CHRM5: variants seen among roughly 807,000 people sequenced by gnomAD.
CHRM5 encodes cholinergic receptor muscarinic 5, also known as muscarinic acetylcholine receptor M5.
CHRM5 carries 18 observed loss-of-function variants against 39.0 expected under a neutral mutation model. That is an observed-to-expected ratio of 0.46 (90% confidence interval 0.32 to 0.68). The LOEUF is 0.68. Ranked by LOEUF, CHRM5 falls within the 30% of genes least tolerant of loss-of-function variation. CHRM5 has a pLI of 0.04. For missense variants in CHRM5, 515 were observed against 651.1 expected (o/e 0.79, Z 2.28); for synonymous variants, 241 against 246.3 (o/e 0.98, Z 0.20).
intron 2 of CHRM5, among the ~76,000 whole-genome samples, chr15:34,049,309 G>A (rs587714): frequency 0.65 from 98,858 of 151,950 alleles, 33,378 homozygotes; most frequent in South Asian, 0.78. Context: ...TGAATCATGA[G>A]AAAACAATGC....
At chr15:33,996,990 A>C (rs1896962493) in intron 1 of CHRM5, among the ~76,000 whole-genome samples, 1 of 152,356 alleles carries the variant, frequency 6.6e-6, no homozygotes, top group Admixed American at 6.5e-5. Flanking sequence ...TAACTAGAAT[A>C]AACAGCGTAG....
chr15:34,058,050 A>G (rs1445108391), intron 2 of CHRM5, among the ~76,000 whole-genome samples: 1 of 152,142 alleles, frequency 6.6e-6, no homozygotes, highest in Non-Finnish European at 1.5e-5. Flanking sequence ...AGCAGGAATC[A>G]ATGTTGCTGT....
chr15:34,046,592 A>C lies in CHRM5; in HGVS notation c.-355A>C, dbSNP rs1360143938. ...CAACTTAAAATATGGTACATGGATC[A>C]GTAGCATCAAGAATACTCAGGAGCT... is the stretch of plus-strand genomic sequence containing the variant. On this transcript the variant is annotated 5_prime_UTR_variant, in exon 2 of 3. Transcript: ENST00000383263. 3 of 152,248 alleles carry C rather than the reference A, an allele frequency of 2.0e-5. No individual in the cohort carries two copies. Among genetic ancestry groups the C allele is most frequent in the South Asian group, 4.1e-4 (2 of 4,832 alleles). 9.4% of individuals were successfully genotyped at this position (152,248 alleles called of 1,614,324 possible).
intron 1 of CHRM5, among the ~76,000 whole-genome samples, chr15:33,974,182 G>T (rs971800168): frequency 2.6e-5 from 4 of 152,092 alleles, no homozygotes; most frequent in African/African-American, 9.7e-5. Context: ...ATCTAAATTG[G>T]TCTTGCTATT....
At chr15:34,055,659 G>C (rs1011770030) in intron 2 of CHRM5, among the ~76,000 whole-genome samples, 8 of 148,182 alleles carry the variant, frequency 5.4e-5, no homozygotes, top group Non-Finnish European at 8.9e-5. Flanking sequence ...AAATTAGCCA[G>C]GCATGGTGGC....
chr15:34,022,646 T>C (rs1372990006), intron 1 of CHRM5, among the ~76,000 whole-genome samples: 3 of 152,192 alleles, frequency 2.0e-5, no homozygotes, highest in Non-Finnish European at 4.4e-5. Flanking sequence ...ATACTAACAT[T>C]ATGGTTGCCT....
At chr15:33,998,425 C>T (rs1289397752) in intron 1 of CHRM5, among the ~76,000 whole-genome samples, 1 of 152,058 alleles carries the variant, frequency 6.6e-6, no homozygotes, top group African/African-American at 2.4e-5. Context: ...GAATTCGAGA[C>T]CAGCCTAAGC....
At chr15:33,997,113 T>C (rs1013202528) in intron 1 of CHRM5, among the ~76,000 whole-genome samples, 1 of 152,124 alleles carries the variant, frequency 6.6e-6, no homozygotes, top group Non-Finnish European at 1.5e-5. Context: ...CTAGAAAATA[T>C]AGGAGAACAT....
intron 1 of CHRM5, among the ~76,000 whole-genome samples, chr15:34,005,552 A>G (rs1897305948): frequency 6.6e-6 from 1 of 152,232 alleles, no homozygotes; most frequent in Admixed American, 6.5e-5. Context: ...GTTACAGCAC[A>G]TAAGATGGCT....
intron 1 of CHRM5, among the ~76,000 whole-genome samples, chr15:34,031,168 A>ATTTTTTTTTTTTTTTTTTTTT (rs34414446): frequency 1.5e-5 from 1 of 67,590 alleles, no homozygotes; most frequent in Non-Finnish European, 2.5e-5. Flanking sequence ...GCTTAGGTTA[A>ATTTTTTTTTTTTTTTTTTTTT]TTTTTTTTTT....
chr15:34,053,319 A>AAAAATATATATAT (rs775436850), intron 2 of CHRM5, among the ~76,000 whole-genome samples: 9 of 42,062 alleles, frequency 2.1e-4, no homozygotes, highest in African/African-American at 7.2e-4. Flanking sequence ...AAAAAAAAAA[A>AAAAATATATATAT]ATATATATAT....
At chr15:33,988,494 T>C (rs1196411312) in intron 1 of CHRM5, among the ~76,000 whole-genome samples, 1 of 152,168 alleles carries the variant, frequency 6.6e-6, no homozygotes, top group African/African-American at 2.4e-5. Flanking sequence ...AATGTGCCCG[T>C]GTAACACATC....
chr15:34,038,911 C>T, intron 1 of CHRM5: 1 of 1,112,424 alleles, frequency 9.0e-7, no homozygotes, highest in Non-Finnish European at 1.1e-6. Flanking sequence ...CCGCCTCCGT[C>T]CCCGCCGCCG....
Position 34,066,316 on chromosome 15 carries a change from A to T in CHRM5, c.*2000A>T, listed in dbSNP as rs1900509512. The T allele has an allele frequency of 6.6e-6, 1 of 152,232 alleles. No homozygotes were observed. The highest frequency in any genetic ancestry group is 2.4e-5 in the African/African-American group (1 of 41,460). The allele number at this position is 152,232 out of a possible 1,614,324, so 9.4% of individuals were successfully genotyped here. On this transcript the variant is annotated 3_prime_UTR_variant, in exon 3 of 3. Transcript: ENST00000383263. ...TCTTCGTTTAAGGCTTTGATTCCTG[A>T]TAAAGATGAAAACCCCTTCATGAGA... is the stretch of plus-strand genomic sequence containing the variant.
At chr15:34,021,538 G>A (rs1898200616) in intron 1 of CHRM5, among the ~76,000 whole-genome samples, 1 of 152,076 alleles carries the variant, frequency 6.6e-6, no homozygotes, top group South Asian at 2.1e-4. Flanking sequence ...ACCGCGCCTG[G>A]CTTATTTTCT....
At chr15:34,057,845 T>C (rs939379306) in intron 2 of CHRM5, among the ~76,000 whole-genome samples, 3 of 152,238 alleles carry the variant, frequency 2.0e-5, no homozygotes, top group African/African-American at 7.2e-5. Context: ...AGGTTTTTAA[T>C]CTGAAGCTGA....
rs371943352 is a variant in CHRM5 at position 33,975,615 on chromosome 15, G to A, written c.-408+6465G>A. Among the ~76,000 whole-genome samples the A allele has an allele frequency of 2.6e-5, 4 of 152,318 alleles. No homozygotes were observed. In the East Asian group the frequency reaches 5.8e-4, roughly 22 times the overall value. On this transcript the variant is annotated intron_variant, in intron 1 of 2. Coordinates refer to ENST00000383263, the MANE Select transcript of CHRM5 (RefSeq NM_012125.4). ...TAATAGAACTCAGAATTCAGTGTGAGAAAACAACAGAATTTGTTAGAAATA... is the reference window on the plus strand; with the variant it reads ...TAATAGAACTCAGAATTCAGTGTGAAAAAACAACAGAATTTGTTAGAAATA...
At chr15:33,985,282 T>C (rs539331782) in intron 1 of CHRM5, among the ~76,000 whole-genome samples, 25 of 139,648 alleles carry the variant, frequency 1.8e-4, no homozygotes, top group African/African-American at 5.7e-4. Context: ...TTAATTTTTG[T>C]TGGTTCCTCA....
chr15:34,064,321 T>C lies in CHRM5; in HGVS notation c.*5T>C. The C allele has an allele frequency of 6.2e-7, 1 of 1,606,434 alleles. No homozygotes were observed. Among genetic ancestry groups the C allele is most frequent in the Non-Finnish European group, 8.5e-7 (1 of 1,176,530 alleles). ...GGGAACAGCAAGCTACCCTGAAAAGTCAACAACTCCTCTCGAAAGAACAAT... is the reference window on the plus strand; with the variant it reads ...GGGAACAGCAAGCTACCCTGAAAAGCCAACAACTCCTCTCGAAAGAACAAT... On this transcript the variant is annotated 3_prime_UTR_variant, in exon 3 of 3. Transcript: ENST00000383263.
Sources: gnomAD v4.1 joint callset for allele counts (sites outside exome capture counted in the v4.1 genomes callset) on GRCh38, gnomAD v4.1.1 for gene constraint, MANE v1.5 for transcripts, NCBI Gene and HGNC (gene_info 2026-07-23, HGNC 2026-07-21) for gene names.